Variants in PDGFD observed in about 807,000 individuals in gnomAD.
The protein encoded by PDGFD is platelet derived growth factor D, also known as platelet-derived growth factor D.
PDGFD carries 30 observed loss-of-function variants against 44.7 expected under a neutral mutation model. The ratio of observed to expected loss-of-function variants is 0.67; its 90% CI spans 0.50 to 0.91. PDGFD has a LOEUF of 0.91. PDGFD is among the 40% of genes least tolerant of loss of function. PDGFD has a pLI of 0.00. For synonymous variants in PDGFD, 173 were observed against 168.4 expected, an observed-to-expected ratio of 1.03 and a Z score of -0.21; for missense variants, 445 against 457.8, an observed-to-expected ratio of 0.97 and a Z score of 0.25.
At chr11:104,042,278 A>C (rs1216920201) in intron 1 of PDGFD, among the ~76,000 whole-genome samples, 1 of 152,220 alleles carries the variant, frequency 6.6e-6, no homozygotes, top group Non-Finnish European at 1.5e-5. Context: ...TTTCAAGGTA[A>C]AGCCACAATT....
intron 3 of PDGFD, among the ~76,000 whole-genome samples, chr11:103,967,076 T>C (rs1023758203): frequency 6.6e-6 from 1 of 152,220 alleles, no homozygotes; most frequent in Non-Finnish European, 1.5e-5. Flanking sequence ...ATAAAAGCTA[T>C]GAAAGGGATG....
In PDGFD at chr11:103,909,462, C is replaced by A. The variant is rs757964478; in HGVS notation, c.*232G>T. ...TCTGTGTGTGTTTGTGCATATATAA[C>A]CTCAAACACTATTATTAAATGCAAT... On this transcript the variant is annotated 3_prime_UTR_variant, in exon 7 of 7. Coordinates refer to ENST00000393158, the MANE Select transcript of PDGFD (RefSeq NM_025208.5). 2.1e-6 allele frequency: 1 copy of A among 487,570 alleles called. No homozygotes were observed. The highest frequency in any genetic ancestry group is 1.9e-5 in the African/African-American group (1 of 51,780). 30.2% of individuals were successfully genotyped at this position (487,570 alleles called of 1,614,324 possible). A position where few individuals can be genotyped will look rare whatever the true frequency, so the allele number is the denominator to read the frequency against.
chr11:103,956,622 C>T (rs1460104259), intron 3 of PDGFD, among the ~76,000 whole-genome samples: 1 of 151,840 alleles, frequency 6.6e-6, no homozygotes, highest in African/African-American at 2.4e-5. Context: ...TTCTAGATCC[C>T]TGAGGAATCG....
intron 1 of PDGFD, among the ~76,000 whole-genome samples, chr11:104,099,364 G>A (rs1048282732): frequency 1.3e-5 from 2 of 151,982 alleles, no homozygotes; most frequent in Admixed American, 1.3e-4. Context: ...TTCCTGTTGG[G>A]TGAGGTGGTT....
chr11:103,986,697 A>T (rs1859370169), intron 3 of PDGFD, among the ~76,000 whole-genome samples: 1 of 152,208 alleles, frequency 6.6e-6, no homozygotes, highest in Non-Finnish European at 1.5e-5. Context: ...CTAGGAAACA[A>T]AGACGGTAAC....
chr11:104,006,709 A>C (rs1428475354), intron 1 of PDGFD, among the ~76,000 whole-genome samples: 2 of 152,202 alleles, frequency 1.3e-5, no homozygotes, highest in Non-Finnish European at 2.9e-5. Flanking sequence ...GGAGCATCTG[A>C]ATATCAAGAG....
chr11:104,001,068 C>T (rs569664419), intron 1 of PDGFD, among the ~76,000 whole-genome samples: 17 of 152,162 alleles, frequency 1.1e-4, no homozygotes, highest in Non-Finnish European at 2.2e-4. Context: ...CCAGATAGAC[C>T]AACCATGTGA....
At chr11:104,137,436 T>C (rs1044133708) in intron 1 of PDGFD, among the ~76,000 whole-genome samples, 1 of 152,100 alleles carries the variant, frequency 6.6e-6, no homozygotes, top group East Asian at 1.9e-4. Flanking sequence ...CTGGGATATA[T>C]TGACCAAAGC....
At chr11:104,101,211 T>C (rs1861373570) in intron 1 of PDGFD, among the ~76,000 whole-genome samples, 2 of 152,130 alleles carry the variant, frequency 1.3e-5, no homozygotes, top group Non-Finnish European at 2.9e-5. Flanking sequence ...CCCCATTGTC[T>C]CAGCCCAAAA....
At chr11:104,001,184 A>G (rs1859613939) in intron 1 of PDGFD, among the ~76,000 whole-genome samples, 1 of 152,214 alleles carries the variant, frequency 6.6e-6, no homozygotes, top group Non-Finnish European at 1.5e-5. Context: ...GTTGATAATG[A>G]TTCCATCAAT....
At chr11:104,029,025 C>T (rs2134388051) in intron 1 of PDGFD, among the ~76,000 whole-genome samples, 1 of 152,190 alleles carries the variant, frequency 6.6e-6, no homozygotes, top group Middle Eastern at 3.4e-3. Context: ...AATATTTTAT[C>T]AATACATAAG....
rs1857991196 is a variant in PDGFD at position 103,909,356 on chromosome 11, A to G, written c.*338T>C. The G allele has an allele frequency of 5.9e-6, 1 of 169,142 alleles. No homozygotes were observed. Among genetic ancestry groups the G allele is most frequent in the Admixed American group, 6.1e-5 (1 of 16,512 alleles). 10.5% of individuals were successfully genotyped at this position (169,142 alleles called of 1,614,324 possible). A position where few individuals can be genotyped will look rare whatever the true frequency, so the allele number is the denominator to read the frequency against. On this transcript the variant is annotated 3_prime_UTR_variant, in exon 7 of 7. Coordinates refer to ENST00000393158, the MANE Select transcript of PDGFD (RefSeq NM_025208.5). ...CAAAGGATTTTAAGAGTCTAACTCAAACATATGTAAGCTCTGGTGTACCTG... is the reference window on the plus strand; with the variant it reads ...CAAAGGATTTTAAGAGTCTAACTCAGACATATGTAAGCTCTGGTGTACCTG...
chr11:104,008,907 T>C (rs948319882), intron 1 of PDGFD, among the ~76,000 whole-genome samples: 2 of 151,918 alleles, frequency 1.3e-5, no homozygotes, highest in Non-Finnish European at 2.9e-5. Flanking sequence ...ATAATAATAA[T>C]GCAAATTATT....
chr11:104,127,158 T>G (rs1315993501), intron 1 of PDGFD, among the ~76,000 whole-genome samples: 1 of 152,018 alleles, frequency 6.6e-6, no homozygotes, highest in East Asian at 1.9e-4. Context: ...AAGTGTGAGG[T>G]AGGAAGTGGC....
chr11:104,016,551 T>C (rs577472416), intron 1 of PDGFD, among the ~76,000 whole-genome samples: 3 of 152,298 alleles, frequency 2.0e-5, no homozygotes, highest in Non-Finnish European at 4.4e-5. Flanking sequence ...CTGAGGCCCA[T>C]GTCCACCCAT....
At chr11:104,012,125 T>G (rs1171487941) in intron 1 of PDGFD, among the ~76,000 whole-genome samples, 1 of 152,138 alleles carries the variant, frequency 6.6e-6, no homozygotes, top group Non-Finnish European at 1.5e-5. Context: ...GAGAATTACT[T>G]AACATCTAGT....
At chr11:104,093,797 C>T (rs1055440594) in intron 1 of PDGFD, among the ~76,000 whole-genome samples, 2 of 151,096 alleles carry the variant, frequency 1.3e-5, no homozygotes, top group African/African-American at 2.4e-5. Flanking sequence ...GCCATTCCCT[C>T]GCATGCTTCT....
At chr11:104,032,688 A>T (rs376530131) in intron 1 of PDGFD, among the ~76,000 whole-genome samples, 36 of 151,638 alleles carry the variant, frequency 2.4e-4, no homozygotes, top group African/African-American at 8.5e-4. Flanking sequence ...AAAGAGGCAA[A>T]TTACAAAAGG....
intron 3 of PDGFD, among the ~76,000 whole-genome samples, chr11:103,969,120 T>A (rs963703899): frequency 2.0e-5 from 3 of 152,190 alleles, no homozygotes; most frequent in Non-Finnish European, 4.4e-5. Context: ...TACTTTTTCA[T>A]CAACTTTCAT....
Sources: gnomAD v4.1 joint callset for allele counts (sites outside exome capture counted in the v4.1 genomes callset) on GRCh38, gnomAD v4.1.1 for gene constraint, MANE v1.5 for transcripts, NCBI Gene and HGNC (gene_info 2026-07-23, HGNC 2026-07-21) for gene names.